QTGAL: variants seen among roughly 807,000 people sequenced by gnomAD.
The protein encoded by QTGAL is BGnT-like protein 1.
chr17:83,021,908 C>A, the QTGAL span, among the ~76,000 whole-genome samples: 554 of 152,212 alleles, frequency 3.6e-3, 2 homozygotes, highest in African/African-American at 0.013. Context: ...TAGATCCACG[C>A]TTTTTTGGAT....
chr17:83,011,349 G>A, the QTGAL span: 2 of 152,174 alleles, frequency 1.3e-5, no homozygotes, highest in Non-Finnish European at 2.9e-5. Context: ...GCAAATGCAC[G>A]ATTTATGAAA....
chr17:82,970,621 C>CGGTGT, the QTGAL span, among the ~76,000 whole-genome samples: 167 of 87,108 alleles, frequency 1.9e-3, 28 homozygotes, highest in African/African-American at 7.8e-3. Context: ...CCTCCCCACC[C>CGGTGT]GGCGTGGCCG....
the QTGAL span, among the ~76,000 whole-genome samples, chr17:83,025,933 G>A: frequency 2.6e-5 from 4 of 152,248 alleles, no homozygotes; most frequent in African/African-American, 9.6e-5. Context: ...TGACATGCAC[G>A]ATGCTGGTGG....
the QTGAL span, among the ~76,000 whole-genome samples, chr17:82,951,946 T>C: frequency 2.0e-5 from 3 of 151,336 alleles, no homozygotes; most frequent in Non-Finnish European, 4.4e-5. Flanking sequence ...TTTGACATAT[T>C]GCGAGAATTA....
At chr17:83,014,789 A>G in the QTGAL span, among the ~76,000 whole-genome samples, 8 of 152,266 alleles carry the variant, frequency 5.3e-5, no homozygotes. Flanking sequence ...AGACAATCCA[A>G]CAGCAAAACA....
At chr17:82,966,820 A>AGGTT in the QTGAL span, among the ~76,000 whole-genome samples, 835 of 152,346 alleles carry the variant, frequency 5.5e-3, 12 homozygotes, top group African/African-American at 0.019. Flanking sequence ...AGACATGGAT[A>AGGTT]AACCAGATGC....
chr17:82,974,666 C>A, the QTGAL span, among the ~76,000 whole-genome samples: 43 of 152,304 alleles, frequency 2.8e-4, no homozygotes, highest in Admixed American at 5.2e-4. Flanking sequence ...ATTCACCCCC[C>A]ACAGCGGGTG....
At chr17:83,048,070 C>A in the QTGAL span, among the ~76,000 whole-genome samples, 61,881 of 151,580 alleles carry the variant, frequency 0.41, 12,679 homozygotes, top group East Asian at 0.58. Context: ...TCTGTCACCC[C>A]AGCTGGAGTG....
the QTGAL span, chr17:82,942,265 C>A: frequency 1.4e-6 from 1 of 739,782 alleles, no homozygotes; most frequent in Non-Finnish European, 2.2e-6. Flanking sequence ...TCCGAGGACA[C>A]GTTAGTCATG....
At chr17:83,035,872 CGTGTGTG>C in the QTGAL span, among the ~76,000 whole-genome samples, 26,903 of 151,482 alleles carry the variant, frequency 0.18, 3,432 homozygotes, top group East Asian at 0.37. Flanking sequence ...GCGGTTTGCA[CGTGTGTG>C]ATGAGCTGGT....
At chr17:83,008,963 G>A in the QTGAL span, among the ~76,000 whole-genome samples, 3 of 152,218 alleles carry the variant, frequency 2.0e-5, no homozygotes, top group Non-Finnish European at 4.4e-5. Flanking sequence ...CCACAAAGAC[G>A]GAAACTCAGA....
chr17:82,959,566 T>A, the QTGAL span, among the ~76,000 whole-genome samples: 1 of 151,770 alleles, frequency 6.6e-6, no homozygotes, highest in African/African-American at 2.4e-5. Flanking sequence ...TGGCATCTTG[T>A]CCTTAGCAGC....
the QTGAL span, among the ~76,000 whole-genome samples, chr17:82,959,949 T>C: frequency 6.6e-6 from 1 of 152,180 alleles, no homozygotes; most frequent in Non-Finnish European, 1.5e-5. Flanking sequence ...CCTCTCTTTT[T>C]ACATCCTCAG....
chr17:82,977,994 C>T, the QTGAL span, among the ~76,000 whole-genome samples: 2 of 152,186 alleles, frequency 1.3e-5, no homozygotes, highest in African/African-American at 2.4e-5. Flanking sequence ...TGGAGGTTCC[C>T]ACAGGTGGTG....
At chr17:83,050,949 C>T in the QTGAL span, among the ~76,000 whole-genome samples, 2 of 150,350 alleles carry the variant, frequency 1.3e-5, no homozygotes, top group Non-Finnish European at 1.5e-5. Flanking sequence ...GTGTGTGGGG[C>T]ATGGGCAAGT....
the QTGAL span, among the ~76,000 whole-genome samples, chr17:83,019,103 GC>G: frequency 3.3e-5 from 5 of 152,128 alleles, no homozygotes; most frequent in Non-Finnish European, 5.9e-5. Context: ...ACCCCACCCG[GC>G]CCCTTGGGCT....
chr17:82,974,782 G>A, the QTGAL span, among the ~76,000 whole-genome samples: 8 of 152,230 alleles, frequency 5.3e-5, no homozygotes, highest in Admixed American at 5.2e-4. Flanking sequence ...TGGAACAGCG[G>A]CAGGAGGCAC....
the QTGAL span, among the ~76,000 whole-genome samples, chr17:82,989,539 T>A: frequency 6.6e-6 from 1 of 151,138 alleles, no homozygotes; most frequent in African/African-American, 2.4e-5. Flanking sequence ...CACATACACA[T>A]TCACCCCAAA....
the QTGAL span, among the ~76,000 whole-genome samples, chr17:82,963,195 A>C: frequency 6.6e-6 from 1 of 152,148 alleles, no homozygotes; most frequent in Non-Finnish European, 1.5e-5. Context: ...GAAAAGCGTG[A>C]GCTAAAGCCA....
Sources: allele counts gnomAD v4.1 joint callset (sites outside exome capture counted in the v4.1 genomes callset), GRCh38; gene constraint gnomAD v4.1.1; transcripts MANE v1.5; gene names NCBI Gene and HGNC (gene_info 2026-07-23, HGNC 2026-07-21).